MEI4: variants seen among roughly 807,000 people sequenced by gnomAD.
The protein encoded by MEI4 is meiotic double-stranded break formation protein 4.
In MEI4, 27 loss-of-function variants were observed where a neutral mutation model predicts 31.4. The observed-to-expected ratio is 0.86, with a 90% CI of 0.63 to 1.19. The LOEUF is 1.19. Among genes scored for constraint, MEI4 ranks in the 50% most tolerant of loss-of-function variants. The pLI, the probability that MEI4 is intolerant of heterozygous loss-of-function variation, is 0.00. For synonymous variants in MEI4, 122 were observed against 145.4 expected, an observed-to-expected ratio of 0.84 and a Z score of 1.16; for missense variants, 329 against 398.9, an observed-to-expected ratio of 0.82 and a Z score of 1.49.
At chr6:77,688,828 G>T (rs1002858859) in intron 1 of MEI4, among the ~76,000 whole-genome samples, 1 of 152,076 alleles carries the variant, frequency 6.6e-6, no homozygotes, top group Non-Finnish European at 1.5e-5. Flanking sequence ...TCTGTCCTGT[G>T]CACATAGGGT....
At chr6:77,730,605 ATTATTTAT>A (rs34092896) in intron 2 of MEI4, among the ~76,000 whole-genome samples, 2 of 150,672 alleles carry the variant, frequency 1.3e-5, no homozygotes, top group Admixed American at 6.6e-5. Flanking sequence ...AGTCTTATAT[ATTATTTAT>A]TTATTTATTT....
chr6:77,726,825 A>C (rs997437423), intron 2 of MEI4, among the ~76,000 whole-genome samples: 4 of 51,306 alleles, frequency 7.8e-5, no homozygotes, highest in Non-Finnish European at 1.4e-4. Flanking sequence ...TTTGTAACAG[A>C]CAAAAATAAG....
intron 1 of MEI4, among the ~76,000 whole-genome samples, chr6:77,658,007 C>T (rs1768428856): frequency 6.6e-6 from 1 of 152,194 alleles, no homozygotes; most frequent in Non-Finnish European, 1.5e-5. Context: ...TGAATCATGG[C>T]TGTATAGTAG....
intron 2 of MEI4, among the ~76,000 whole-genome samples, chr6:77,738,564 T>A (rs988736314): frequency 2.0e-5 from 3 of 152,168 alleles, no homozygotes; most frequent in African/African-American, 7.2e-5. Context: ...CATGTGCATG[T>A]GTCTTTATAG....
chr6:77,815,849 A>T (rs1248774847), intron 3 of MEI4, among the ~76,000 whole-genome samples: 2 of 151,850 alleles, frequency 1.3e-5, no homozygotes, highest in Non-Finnish European at 2.9e-5. Context: ...AAAACTGACA[A>T]TTGTGAAAAT....
At chr6:77,744,469 C>T (rs4708364) in intron 2 of MEI4, among the ~76,000 whole-genome samples, 42 of 151,526 alleles carry the variant, frequency 2.8e-4, no homozygotes, top group East Asian at 2.3e-3. Flanking sequence ...TGGGACTATG[C>T]GAAAAGACCA....
Position 77,753,975 on chromosome 6 carries a change from A to G in MEI4, c.233-7155A>G, listed in dbSNP as rs560388748. Among the ~76,000 whole-genome samples, 5 of 152,256 alleles carry G rather than the reference A, an allele frequency of 3.3e-5. No individual in the cohort carries two copies. The East Asian group carries it at 5.8e-4, about 18-fold the overall frequency. On this transcript the variant is annotated intron_variant, in intron 2 of 4. Transcript: ENST00000684080. Reference sequence around the variant, plus strand: ...AGGGACATGGATGAAGCTGGAAACCATCTTTCTCAGCAAACTAACACATCA... The same window carrying G: ...AGGGACATGGATGAAGCTGGAAACCGTCTTTCTCAGCAAACTAACACATCA...
At chr6:77,658,324 C>G (rs1768437159) in intron 1 of MEI4, among the ~76,000 whole-genome samples, 1 of 152,072 alleles carries the variant, frequency 6.6e-6, no homozygotes, top group Admixed American at 6.5e-5. Flanking sequence ...GGGGCAGGAA[C>G]AAATCACAAT....
intron 4 of MEI4, among the ~76,000 whole-genome samples, chr6:77,890,014 T>G (rs966911782): frequency 6.6e-6 from 1 of 152,182 alleles, no homozygotes; most frequent in African/African-American, 2.4e-5. Flanking sequence ...CAGGAAGAAG[T>G]TTGCTGCAGG....
At chr6:77,751,386 G>A (rs542775632) in intron 2 of MEI4, among the ~76,000 whole-genome samples, 4 of 152,068 alleles carry the variant, frequency 2.6e-5, no homozygotes, top group East Asian at 1.9e-4. Flanking sequence ...GACTAATAAA[G>A]AAGAAAAGAG....
intron 2 of MEI4, among the ~76,000 whole-genome samples, chr6:77,706,875 A>C (rs994623840): frequency 6.6e-6 from 1 of 152,184 alleles, no homozygotes. Flanking sequence ...TGCTGCCACC[A>C]TGCTTATACA....
At chr6:77,886,422 A>T (rs1447566023) in intron 4 of MEI4, among the ~76,000 whole-genome samples, 1 of 103,470 alleles carries the variant, frequency 9.7e-6, no homozygotes, top group Non-Finnish European at 1.9e-5. Context: ...TTTCTTTTAG[A>T]TTTTCCAGTT....
intron 2 of MEI4, among the ~76,000 whole-genome samples, chr6:77,695,095 C>A: frequency 6.6e-6 from 1 of 152,192 alleles, no homozygotes; most frequent in East Asian, 1.9e-4. Context: ...CCTTCGCCCA[C>A]TTTTTGATGG....
chr6:77,834,128 G>T (rs1770150246), intron 4 of MEI4, among the ~76,000 whole-genome samples: 1 of 152,044 alleles, frequency 6.6e-6, no homozygotes, highest in Admixed American at 6.6e-5. Context: ...ACCAGCAGCT[G>T]CTTCATCTTC....
At chr6:77,899,659 T>C (rs1262610075) in intron 4 of MEI4, among the ~76,000 whole-genome samples, 1 of 152,126 alleles carries the variant, frequency 6.6e-6, no homozygotes, top group Non-Finnish European at 1.5e-5. Flanking sequence ...TGACTGCTAG[T>C]ATGTAAAAAT....
intron 3 of MEI4, among the ~76,000 whole-genome samples, chr6:77,800,765 A>G (rs897742323): frequency 2.7e-4 from 41 of 152,044 alleles, no homozygotes; most frequent in African/African-American, 8.5e-4. Context: ...GGTTTTTTTC[A>G]TTGGTTCTGT....
chr6:77,863,768 C>G (rs1424357135), intron 4 of MEI4, among the ~76,000 whole-genome samples: 2 of 152,106 alleles, frequency 1.3e-5, no homozygotes, highest in Admixed American at 6.5e-5. Context: ...AACTCCAAGA[C>G]ACATAATTGT....
At chr6:77,730,977 A>G (rs920961460) in intron 2 of MEI4, among the ~76,000 whole-genome samples, 8 of 151,810 alleles carry the variant, frequency 5.3e-5, no homozygotes, top group Non-Finnish European at 8.8e-5. Flanking sequence ...TTATGGCTGC[A>G]TAGTATTCCA....
intron 2 of MEI4, among the ~76,000 whole-genome samples, chr6:77,714,247 AC>A (rs1766531525): frequency 6.6e-6 from 1 of 151,998 alleles, no homozygotes; most frequent in South Asian, 2.1e-4. Flanking sequence ...TAAAAAAAAA[AC>A]AAAACAGAAA....
Sources: allele counts gnomAD v4.1 joint callset (sites outside exome capture counted in the v4.1 genomes callset), GRCh38; gene constraint gnomAD v4.1.1; transcripts MANE v1.5; gene names NCBI Gene and HGNC (gene_info 2026-07-23, HGNC 2026-07-21).